ITPK1: variants seen among roughly 807,000 people sequenced by gnomAD.
The protein encoded by ITPK1 is inositol-tetrakisphosphate 1-kinase.
Under a neutral mutation model 45.3 loss-of-function variants are expected in ITPK1, and 21 were observed. The observed-to-expected ratio is 0.46, with a 90% CI of 0.33 to 0.67. ITPK1 has a LOEUF of 0.67. ITPK1 is among the 30% of genes least tolerant of loss of function. ITPK1 has a pLI of 0.02. For synonymous variants in ITPK1, 258 were observed against 253.6 expected (o/e 1.02, Z -0.16); for missense variants, 474 against 573.5 (o/e 0.83, Z 1.77).
intron 3 of ITPK1, among the ~76,000 whole-genome samples, chr14:93,056,367 A>G (rs1018815780): frequency 1.3e-5 from 2 of 152,190 alleles, no homozygotes; most frequent in African/African-American, 4.8e-5. Flanking sequence ...CATGCTGAGA[A>G]GGTGCCTGAA....
At chr14:92,961,907 C>T (rs1033194500) in intron 7 of ITPK1, among the ~76,000 whole-genome samples, 12 of 152,154 alleles carry the variant, frequency 7.9e-5, no homozygotes, top group African/African-American at 2.9e-4. Context: ...CACAAGAGGC[C>T]GTGTGAGGAC....
intron 10 of ITPK1, 123 bp downstream of exon 10, chr14:92,946,208 C>A: frequency 8.6e-7 from 1 of 1,165,440 alleles, no homozygotes; most frequent in Non-Finnish European, 1.2e-6. Flanking sequence ...GCTGCACCTC[C>A]CCGGACCTCG....
chr14:93,061,378 C>T (rs889910736), intron 3 of ITPK1, among the ~76,000 whole-genome samples: 1 of 152,158 alleles, frequency 6.6e-6, no homozygotes, highest in African/African-American at 2.4e-5. Flanking sequence ...CTCCAGAGCC[C>T]ACCACTCCTT....
At chr14:92,951,625 C>T (rs1039112317) in intron 9 of ITPK1, among the ~76,000 whole-genome samples, 7 of 152,288 alleles carry the variant, frequency 4.6e-5, no homozygotes, top group Non-Finnish European at 8.8e-5. Context: ...AGCAGTTCTT[C>T]CAATTCCTCA....
At chr14:93,025,983 G>A (rs528479028) in intron 3 of ITPK1, among the ~76,000 whole-genome samples, 6 of 152,086 alleles carry the variant, frequency 3.9e-5, no homozygotes, top group South Asian at 2.1e-4. Context: ...AAAATTAGCC[G>A]GGCTGGTGGT....
In ITPK1 at chr14:92,969,778, CA is replaced by C. The variant is rs564765356; in HGVS notation, c.365-6930del. On this transcript the variant is annotated intron_variant, in intron 5 of 10. Coordinates refer to ENST00000267615, the MANE Select transcript of ITPK1 (RefSeq NM_014216.6). ...AGGCGACTGTTGCTTATTTCTCTGC[CA>C]TCCTTATTTTTGGATGGGAGGTGGA... Among the ~76,000 whole-genome samples, 55 of 152,178 alleles carry C rather than the reference CA, an allele frequency of 3.6e-4. 1 individual carries two copies. The highest frequency in any genetic ancestry group is 3.3e-3 in the South Asian group (16 of 4,818).
chr14:93,106,569 G>A lies in ITPK1; in HGVS notation c.95+8500C>T, dbSNP rs114773803. ...CTCTAGGCCCCTCTTGCTGAATGTC[G>A]CCTCCTTAGAGAGGCCTTCTCTGAC... On this transcript the variant is annotated intron_variant, in intron 2 of 10. Coordinates refer to ENST00000267615, the MANE Select transcript of ITPK1 (RefSeq NM_014216.6). Among the ~76,000 whole-genome samples the A allele has an allele frequency of 1.0e-2, 1,517 of 152,284 alleles. 24 individuals carry two copies. The highest frequency in any genetic ancestry group is 0.035 in the African/African-American group (1,445 of 41,556).
chr14:93,049,761 G>T (rs1304612780), intron 3 of ITPK1, among the ~76,000 whole-genome samples: 1 of 117,028 alleles, frequency 8.5e-6, no homozygotes, highest in Non-Finnish European at 1.7e-5. Flanking sequence ...GGGGGTGGGG[G>T]GTGGGTAAGG....
chr14:93,075,235 G>A (rs757866723), intron 3 of ITPK1, among the ~76,000 whole-genome samples: 6 of 144,098 alleles, frequency 4.2e-5, no homozygotes, highest in Admixed American at 7.6e-5. Context: ...GCTGAGGCAC[G>A]AGAATCACTT....
intron 2 of ITPK1, among the ~76,000 whole-genome samples, chr14:93,085,360 C>A (rs1891607379): frequency 6.6e-6 from 1 of 152,188 alleles, no homozygotes; most frequent in African/African-American, 2.4e-5. Flanking sequence ...GACCCTCCCC[C>A]CGACCGGGTG....
intron 5 of ITPK1, among the ~76,000 whole-genome samples, chr14:92,973,880 T>C (rs950904890): frequency 6.6e-6 from 1 of 152,216 alleles, no homozygotes; most frequent in African/African-American, 2.4e-5. Flanking sequence ...GGATGCACCC[T>C]CACCACCACA....
At chr14:93,106,964 C>CT (rs36024862) in intron 2 of ITPK1, among the ~76,000 whole-genome samples, 39,704 of 148,804 alleles carry the variant, frequency 0.27, 5,980 homozygotes, top group African/African-American at 0.43. Flanking sequence ...CACTAACATA[C>CT]TTTTTTTTTT....
chr14:92,962,257 G>T, intron 7 of ITPK1, 98 bp downstream of exon 7: 1 of 886,960 alleles, frequency 1.1e-6, no homozygotes, highest in Non-Finnish European at 1.9e-6. Flanking sequence ...CAGCAGGGCA[G>T]GAGCAGTGGC....
chr14:93,005,829 C>T (rs2139833314), intron 4 of ITPK1, among the ~76,000 whole-genome samples: 1 of 152,300 alleles, frequency 6.6e-6, no homozygotes, highest in African/African-American at 2.4e-5. Context: ...CCTAGGTATA[C>T]ACCAGTAGAG....
chr14:93,002,485 A>G (rs1011200634), intron 4 of ITPK1, among the ~76,000 whole-genome samples: 3 of 152,182 alleles, frequency 2.0e-5, no homozygotes, highest in Non-Finnish European at 4.4e-5. Context: ...GACCCAAGGC[A>G]TGGAAGGCCT....
intron 2 of ITPK1, among the ~76,000 whole-genome samples, chr14:93,095,187 A>G (rs532225585): frequency 1.3e-4 from 20 of 152,246 alleles, no homozygotes; most frequent in Non-Finnish European, 2.6e-4. Context: ...CACCACCTAC[A>G]TACCACCACC....
chr14:93,006,106 T>C (rs1887601579), intron 4 of ITPK1, among the ~76,000 whole-genome samples: 1 of 152,038 alleles, frequency 6.6e-6, no homozygotes, highest in South Asian at 2.1e-4. Flanking sequence ...TTGTTCCAAA[T>C]GCATGTGCCA....
At position 93,115,194 on chromosome 14, in the gene ITPK1, G is replaced by C; in HGVS notation, c.-31C>G. The C allele has an allele frequency of 2.0e-6, 3 of 1,521,536 alleles. No homozygotes were observed. Among genetic ancestry groups the C allele is most frequent in the Non-Finnish European group, 2.7e-6 (3 of 1,106,192 alleles). 94.3% of individuals were successfully genotyped at this position (1,521,536 alleles called of 1,614,324 possible). A position where few individuals can be genotyped will look rare whatever the true frequency, so the allele number is the denominator to read the frequency against. On this transcript the variant is annotated 5_prime_UTR_variant, in exon 2 of 11. Transcript: ENST00000267615. ...TCCTCGGGCGGGGAGCCTGGGTCCG[G>C]AGGAAATCGCCCACAGGCCGAGTCT...
intron 2 of ITPK1, among the ~76,000 whole-genome samples, chr14:93,095,024 T>C (rs1458621792): frequency 6.6e-6 from 1 of 152,234 alleles, no homozygotes; most frequent in African/African-American, 2.4e-5. Context: ...CTTTCTTCCA[T>C]CTTCCCAGAT....
Sources: allele counts gnomAD v4.1 joint callset (sites outside exome capture counted in the v4.1 genomes callset), GRCh38; gene constraint gnomAD v4.1.1; transcripts MANE v1.5; gene names NCBI Gene and HGNC (gene_info 2026-07-23, HGNC 2026-07-21).